Variants in CDC123 observed in about 807,000 individuals in gnomAD.
The protein encoded by CDC123 is translation initiation factor eIF2 assembly protein.
Under a neutral mutation model 54.4 loss-of-function variants are expected in CDC123, and 37 were observed. The ratio of observed to expected loss-of-function variants is 0.68; its 90% CI spans 0.52 to 0.89. The LOEUF (loss-of-function observed/expected upper bound fraction) is 0.89, where lower values mean the gene tolerates loss of function less well. CDC123 is among the 40% of genes least tolerant of loss of function. CDC123 has a pLI of 0.00. For missense variants in CDC123, 361 were observed against 412.1 expected, an observed-to-expected ratio of 0.88 and a Z score of 1.07; for synonymous variants, 144 against 136.8, an observed-to-expected ratio of 1.05 and a Z score of -0.37.
chr10:12,217,800 C>G (rs958363271), intron 6 of CDC123, among the ~76,000 whole-genome samples: 1 of 152,114 alleles, frequency 6.6e-6, no homozygotes, highest in Non-Finnish European at 1.5e-5. Flanking sequence ...TATAAAAGCT[C>G]TCATGGCCGG....
At chr10:12,196,347 G>T in intron 1 of CDC123, 28 bp downstream of exon 1, 1 of 1,613,762 alleles carries the variant, frequency 6.2e-7, no homozygotes, top group East Asian at 2.2e-5. Flanking sequence ...TCGCCCGGTC[G>T]ACCGGCAAAA....
At chr10:12,239,304 G>A (rs191975040) in intron 10 of CDC123, among the ~76,000 whole-genome samples, 259 of 152,300 alleles carry the variant, frequency 1.7e-3, no homozygotes, top group Admixed American at 3.7e-3. Context: ...TATTGAACAG[G>A]TAGGTAAATG....
At chr10:12,224,784 TTTTTTG>T (rs902920639) in intron 6 of CDC123, among the ~76,000 whole-genome samples, 7 of 152,120 alleles carry the variant, frequency 4.6e-5, no homozygotes, top group Non-Finnish European at 7.4e-5. Context: ...TGGTGGTGGT[TTTTTTG>T]TTTTTGTTTT....
chr10:12,204,928 G>A (rs1168595338), intron 2 of CDC123, among the ~76,000 whole-genome samples: 1 of 148,072 alleles, frequency 6.8e-6, no homozygotes, highest in Non-Finnish European at 1.5e-5. Context: ...GGAAGATGGA[G>A]GCTGCAGTGA....
intron 2 of CDC123, among the ~76,000 whole-genome samples, chr10:12,200,318 G>A (rs1331825651): frequency 6.6e-6 from 1 of 151,006 alleles, no homozygotes; most frequent in Non-Finnish European, 1.5e-5. Flanking sequence ...GTAGGGATGG[G>A]GTTTCACCAT....
chr10:12,199,127 A>G (rs540895691), intron 2 of CDC123, among the ~76,000 whole-genome samples: 1 of 152,302 alleles, frequency 6.6e-6, no homozygotes, highest in African/African-American at 2.4e-5. Flanking sequence ...CACTGTTGCA[A>G]ACAGGCTTTA....
chr10:12,248,097 A>C (rs1296162294), intron 11 of CDC123, among the ~76,000 whole-genome samples: 2 of 152,222 alleles, frequency 1.3e-5, no homozygotes, highest in Admixed American at 6.5e-5. Context: ...TTTGATACAT[A>C]ACGTGCATTT....
At chr10:12,227,988 T>TGC (rs1431470389) in intron 6 of CDC123, among the ~76,000 whole-genome samples, 1 of 152,118 alleles carries the variant, frequency 6.6e-6, no homozygotes, top group Admixed American at 6.5e-5. Context: ...TGGGCTAGAG[T>TGC]GCAATGGTGT....
At chr10:12,207,183 A>C (rs981832905) in intron 2 of CDC123, among the ~76,000 whole-genome samples, 1 of 151,984 alleles carries the variant, frequency 6.6e-6, no homozygotes. Flanking sequence ...CTTTTGGCTT[A>C]ATTCTCTGAA....
intron 4 of CDC123, among the ~76,000 whole-genome samples, chr10:12,212,406 A>T (rs1486341922): frequency 6.6e-6 from 1 of 152,264 alleles, no homozygotes; most frequent in East Asian, 1.9e-4. Context: ...AGATGCCAGA[A>T]GCTAGCTTTG....
chr10:12,200,099 G>A (rs1475036626), intron 2 of CDC123, among the ~76,000 whole-genome samples: 2 of 134,024 alleles, frequency 1.5e-5, no homozygotes, highest in African/African-American at 5.7e-5. Flanking sequence ...GGGATTATAG[G>A]CCTGAGCCAC....
At position 12,249,774 on chromosome 10, in the gene CDC123, T is replaced by C. The variant is rs1836216057; in HGVS notation, c.984+56T>C. The C allele has an allele frequency of 5.2e-6, 8 of 1,536,904 alleles. No individual in the cohort carries two copies. In the South Asian group the frequency reaches 1.0e-4, roughly 20 times the overall value. On this transcript the variant is annotated intron_variant, in intron 12 of 12. Transcript: ENST00000281141. ...CATCTTTTCAAATAGACCTTCAAAT[T>C]GGCTTTTATATAATATTTCATTGGA...
chr10:12,215,799 C>T lies in CDC123; in HGVS notation c.297C>T (p.Gly99=). The change falls in exon 5 of 13, where the codon GGC becomes GGT. Residue 99 remains glycine (G), a synonymous_variant. Coordinates refer to ENST00000281141, the MANE Select transcript of CDC123 (RefSeq NM_006023.3). The part of the protein sequence containing the change: ...KVQEAINSLG[G]SVFPKLNWSA... Reference sequence around the variant, plus strand: ...AGGAAGCTATCAATTCCCTCGGGGGCAGTGTCTTTCCTAAGCTTAATTGGA... The same window carrying T: ...AGGAAGCTATCAATTCCCTCGGGGGTAGTGTCTTTCCTAAGCTTAATTGGA... The T allele has an allele frequency of 6.2e-7, 1 of 1,612,210 alleles. No homozygotes were observed. Among genetic ancestry groups the T allele is most frequent in the Non-Finnish European group, 8.5e-7 (1 of 1,179,332 alleles).
At chr10:12,199,673 T>C (rs1416164276) in intron 2 of CDC123, among the ~76,000 whole-genome samples, 1 of 152,214 alleles carries the variant, frequency 6.6e-6, no homozygotes, top group Admixed American at 6.5e-5. Context: ...GTTTTCTGGA[T>C]TATATTTCTG....
chr10:12,250,198 C>A, intron 12 of CDC123, 113 bp from the exon 13 acceptor site: 1 of 613,390 alleles, frequency 1.6e-6, no homozygotes, highest in Non-Finnish European at 2.8e-6. Flanking sequence ...CATGGTTTTC[C>A]ATGACAATTT....
intron 6 of CDC123, among the ~76,000 whole-genome samples, chr10:12,223,554 G>T (rs990016324): frequency 6.6e-6 from 1 of 152,184 alleles, no homozygotes; most frequent in Non-Finnish European, 1.5e-5. Context: ...CCAGAGTGCT[G>T]GGATTATAGG....
chr10:12,249,385 C>T (rs903830809), intron 11 of CDC123, among the ~76,000 whole-genome samples, 196 bp from the exon 12 acceptor site: 1 of 152,218 alleles, frequency 6.6e-6, no homozygotes, highest in Non-Finnish European at 1.5e-5. Flanking sequence ...CTGCAGTGAG[C>T]CACTGCACTC....
At chr10:12,233,315 A>ACACACACACT (rs778520834) in intron 7 of CDC123, among the ~76,000 whole-genome samples, 14 of 125,958 alleles carry the variant, frequency 1.1e-4, no homozygotes, top group African/African-American at 8.8e-5. Context: ...ACACACACAC[A>ACACACACACT]CTCTCTGTCT....
In CDC123 at chr10:12,217,405, C is replaced by T. The variant is rs780561017; in HGVS notation, c.378C>T (p.Thr126=). 3.1e-6 allele frequency: 5 copies of T among 1,613,906 alleles called. No homozygotes were observed. Among genetic ancestry groups the T allele is most frequent in the Non-Finnish European group, 4.2e-6 (5 of 1,179,910 alleles). ...TGAATAGTTCTCTGAAATGTAAAAC[C>T]CTCAGCGACATCTTTCTGCTTTTCA... is the stretch of plus-strand genomic sequence containing the variant. ...IAMNSSLKCK[T]LSDIFLLFKS... Residue 126 remains threonine (T), a synonymous_variant, in exon 6 of 13, where the codon ACC becomes ACT. Transcript: ENST00000281141.
Sources: allele counts gnomAD v4.1 joint callset (sites outside exome capture counted in the v4.1 genomes callset), GRCh38; gene constraint gnomAD v4.1.1; transcripts MANE v1.5; gene names NCBI Gene and HGNC (gene_info 2026-07-23, HGNC 2026-07-21).